The following ZSWIM7 variants were observed in gnomAD, a reference collection of about 807,000 sequenced individuals.
ZSWIM7 encodes zinc finger SWIM domain-containing protein 7.
ZSWIM7 carries 22 observed loss-of-function variants against 21.1 expected under a neutral mutation model. The observed-to-expected ratio is 1.04, with a 90% CI of 0.74 to 1.49. The LOEUF (loss-of-function observed/expected upper bound fraction) is 1.49, where lower values mean the gene tolerates loss of function less well. ZSWIM7 is among the 40% of genes most tolerant of loss of function. The probability of loss-of-function intolerance (pLI) is 0.00; values close to 1 mark genes in which losing one functional copy is unlikely to be tolerated. For missense variants in ZSWIM7, 193 were observed against 168.0 expected (o/e 1.15, Z -0.82); for synonymous variants, 67 against 66.5 (o/e 1.01, Z -0.04).
chr17:15,994,035 G>A (rs1345000129), intron 1 of ZSWIM7, among the ~76,000 whole-genome samples: 2 of 152,092 alleles, frequency 1.3e-5, no homozygotes, highest in South Asian at 2.1e-4. Flanking sequence ...TGCAACCTCC[G>A]CCTCCCGGGT....
At chr17:15,979,719 T>G (rs1401343909) in intron 4 of ZSWIM7, among the ~76,000 whole-genome samples, 2 of 135,420 alleles carry the variant, frequency 1.5e-5, no homozygotes, top group Non-Finnish European at 3.2e-5. Context: ...GCAGAGGGGC[T>G]CCTCACTTCC....
intron 3 of ZSWIM7, among the ~76,000 whole-genome samples, chr17:15,985,285 C>T (rs1970396208): frequency 7.0e-6 from 1 of 142,806 alleles, no homozygotes; most frequent in African/African-American, 2.7e-5. Context: ...GCCTGGGCAA[C>T]AGAGCGAGAC....
intron 2 of ZSWIM7, among the ~76,000 whole-genome samples, chr17:15,990,219 C>CA (rs71299859): frequency 0.098 from 7,414 of 75,734 alleles, 671 homozygotes; most frequent in East Asian, 0.52. Flanking sequence ...AACTCTGTCT[C>CA]AAAAAAAAAA....
intron 1 of ZSWIM7, 45 bp downstream of exon 1, chr17:15,999,474 C>T: frequency 6.3e-7 from 1 of 1,588,584 alleles, no homozygotes. Flanking sequence ...CCCGGATGCC[C>T]CGCCCGCGCC....
At chr17:15,979,216 T>A (rs1970315385) in intron 4 of ZSWIM7, among the ~76,000 whole-genome samples, 2 of 151,986 alleles carry the variant, frequency 1.3e-5, no homozygotes, top group South Asian at 4.2e-4. Context: ...CCTTCAAGCA[T>A]CTGTTTATCA....
chr17:15,978,291 A>G (rs1368063689), intron 4 of ZSWIM7, 128 bp from the exon 5 acceptor site: 42 of 696,584 alleles, frequency 6.0e-5, no homozygotes, highest in Non-Finnish European at 8.1e-5. Context: ...GGGGTCTCTA[A>G]CTGATTGTCT....
intron 2 of ZSWIM7, among the ~76,000 whole-genome samples, chr17:15,992,759 C>A (rs1005536423): frequency 6.6e-6 from 1 of 152,066 alleles, no homozygotes; most frequent in Non-Finnish European, 1.5e-5. Flanking sequence ...ATTTTTAAAA[C>A]AATGTTAAAT....
chr17:15,987,227 G>A (rs1166131579), intron 3 of ZSWIM7, 39 bp downstream of exon 3: 16 of 1,508,766 alleles, frequency 1.1e-5, no homozygotes, highest in Non-Finnish European at 1.4e-5. Flanking sequence ...TTGTCCTAAG[G>A]GGTTTCTGTA....
At chr17:15,992,880 A>AT in intron 2 of ZSWIM7, among the ~76,000 whole-genome samples, 1 of 151,898 alleles carries the variant, frequency 6.6e-6, no homozygotes, top group Non-Finnish European at 1.5e-5. Context: ...AGTATTTTTT[A>AT]TTTTTTATTT....
intron 1 of ZSWIM7, 192 bp downstream of exon 1, chr17:15,999,327 C>T: frequency 1.3e-6 from 1 of 760,284 alleles, no homozygotes; most frequent in Non-Finnish European, 2.2e-6. Context: ...ATCGATTTGA[C>T]TTTTACTTGT....
intron 3 of ZSWIM7, among the ~76,000 whole-genome samples, chr17:15,981,801 A>G (rs1376076369): frequency 6.6e-6 from 1 of 152,200 alleles, no homozygotes; most frequent in Non-Finnish European, 1.5e-5. Flanking sequence ...CAGTAGTCCC[A>G]GCTACTCAGG....
chr17:15,981,388 C>G (rs1344856235), intron 3 of ZSWIM7, among the ~76,000 whole-genome samples: 1 of 152,000 alleles, frequency 6.6e-6, no homozygotes, highest in Non-Finnish European at 1.5e-5. Flanking sequence ...ATTAGTTCAA[C>G]CAACCACATA....
chr17:15,977,810 C>T lies in ZSWIM7; in HGVS notation c.*237G>A. ...AGGGACATTTTTTACCGAAGCGTCTCAGAGACTGGCTCAGGGTATTTCTTG... is the reference window on the plus strand; with the variant it reads ...AGGGACATTTTTTACCGAAGCGTCTTAGAGACTGGCTCAGGGTATTTCTTG... On this transcript the variant is annotated 3_prime_UTR_variant, in exon 5 of 5. Coordinates refer to ENST00000399277, the MANE Select transcript of ZSWIM7 (RefSeq NM_001042697.2). The T allele has an allele frequency of 2.6e-6, 1 of 379,060 alleles. No individual in the cohort carries two copies. The highest frequency in any genetic ancestry group is 7.6e-4 in the Middle Eastern group (1 of 1,324). The allele number at this position is 379,060 out of a possible 1,614,324, so 23.5% of individuals were successfully genotyped here.
chr17:15,991,934 T>C (rs1415286730), intron 2 of ZSWIM7, among the ~76,000 whole-genome samples: 1 of 131,202 alleles, frequency 7.6e-6, no homozygotes, highest in Middle Eastern at 3.2e-3. Flanking sequence ...TTTTGTTTTG[T>C]TTTTTTTTTG....
intron 2 of ZSWIM7, among the ~76,000 whole-genome samples, chr17:15,989,658 T>C (rs779782256): frequency 4.6e-5 from 7 of 151,964 alleles, no homozygotes; most frequent in Non-Finnish European, 8.8e-5. Flanking sequence ...ACAAAGTCTC[T>C]CTCTGTCACC....
Position 15,981,243 on chromosome 17 carries a change from G to A in ZSWIM7, c.202-99C>T, listed in dbSNP as rs1292047616. 1.0e-5 allele frequency: 8 copies of A among 781,852 alleles called. No individual in the cohort carries two copies. The Admixed American group carries it at 1.8e-4, about 18-fold the overall frequency. The allele number at this position is 781,852 out of a possible 1,614,324, so 48.4% of individuals were successfully genotyped here. On this transcript the variant is annotated intron_variant, in intron 3 of 4. Coordinates refer to ENST00000399277, the MANE Select transcript of ZSWIM7 (RefSeq NM_001042697.2). ...TAGACTCAGAGTTGCTCTGCAAATT[G>A]CACCGAGAAGAACTGCAGTAATGTT...
Position 15,996,534 on chromosome 17 carries a change from AG to A in ZSWIM7, c.77-2757del, listed in dbSNP as rs529264752. 7.7e-3 allele frequency among the ~76,000 whole-genome samples: 1,173 copies of A among 152,224 alleles called. 6 individuals carry two copies. Among genetic ancestry groups the A allele is most frequent in the South Asian group, 0.013 (61 of 4,826 alleles). On this transcript the variant is annotated intron_variant, in intron 1 of 4. Transcript: ENST00000399277. ...AGGTGTGATTGCGCAACTGTACTCT[AG>A]CCTGGGGAACAGAGTGAGACCCGGT... is the stretch of plus-strand genomic sequence containing the variant.
intron 2 of ZSWIM7, among the ~76,000 whole-genome samples, chr17:15,990,311 C>T (rs893986895): frequency 2.7e-5 from 4 of 150,700 alleles, no homozygotes; most frequent in Admixed American, 2.6e-4. Flanking sequence ...GTTTTATTTT[C>T]CAATAAAAGT....
At chr17:15,990,628 T>C (rs763153132) in intron 2 of ZSWIM7, among the ~76,000 whole-genome samples, 1 of 152,164 alleles carries the variant, frequency 6.6e-6, no homozygotes, top group Admixed American at 6.5e-5. Context: ...AAAGAACTTA[T>C]ATGACTTAAC....
Sources: allele counts gnomAD v4.1 joint callset (sites outside exome capture counted in the v4.1 genomes callset), GRCh38; gene constraint gnomAD v4.1.1; transcripts MANE v1.5; gene names NCBI Gene and HGNC (gene_info 2026-07-23, HGNC 2026-07-21).